The following PEX11G variants were observed in gnomAD, a reference collection of about 807,000 sequenced individuals.
The protein encoded by PEX11G is peroxisomal membrane protein 11C.
Under a neutral mutation model 22.5 loss-of-function variants are expected in PEX11G, and 20 were observed. The observed-to-expected ratio is 0.89, with a 90% CI of 0.62 to 1.29. PEX11G has a LOEUF of 1.29. Ranked by LOEUF, PEX11G falls within the 50% of genes most tolerant of loss-of-function variation. The pLI, the probability that PEX11G is intolerant of heterozygous loss-of-function variation, is 0.00. For missense variants in PEX11G, 347 were observed against 331.3 expected (o/e 1.05, Z -0.37); for synonymous variants, 141 against 154.5 (o/e 0.91, Z 0.65).
intron 3 of PEX11G, among the ~76,000 whole-genome samples, chr19:7,478,650 T>C (rs1375401756): frequency 6.6e-6 from 1 of 152,128 alleles, no homozygotes; most frequent in African/African-American, 2.4e-5. Context: ...CACTGGCAAG[T>C]GCTCAAAGGA....
rs998069660 is a variant in PEX11G, at chr19:7,481,319, G to A, written c.428+714C>T. ...AAATTCAAGCAATCCTCCTGCCTCAGCCTCCCAAGTAGCTGGGATTACAAG... is the reference window on the plus strand; with the variant it reads ...AAATTCAAGCAATCCTCCTGCCTCAACCTCCCAAGTAGCTGGGATTACAAG... On this transcript the variant is annotated intron_variant, in intron 3 of 4. Coordinates refer to ENST00000221480, the MANE Select transcript of PEX11G (RefSeq NM_080662.4). Among the ~76,000 whole-genome samples the A allele has an allele frequency of 6.6e-4, 101 of 152,200 alleles. 1 individual carries two copies. The highest frequency in any genetic ancestry group is 1.3e-3 in the Non-Finnish European group (91 of 68,014).
At chr19:7,486,221 T>C (rs780652856) in intron 1 of PEX11G, among the ~76,000 whole-genome samples, 195 bp from the exon 2 acceptor site, 3 of 151,894 alleles carry the variant, frequency 2.0e-5, no homozygotes, top group African/African-American at 4.8e-5. Context: ...CCATCTCCCA[T>C]GTTCAAGCAA....
intron 3 of PEX11G, 52 bp from the exon 4 acceptor site, chr19:7,478,428 A>G: frequency 6.4e-7 from 1 of 1,559,304 alleles, no homozygotes; most frequent in Non-Finnish European, 8.7e-7. Flanking sequence ...CAGGAGGGTT[A>G]GCTCCACAAC....
chr19:7,486,618 G>T (rs77742235), intron 1 of PEX11G, among the ~76,000 whole-genome samples: 1 of 148,730 alleles, frequency 6.7e-6, no homozygotes, highest in African/African-American at 2.5e-5. Flanking sequence ...TTTTTTTTTT[G>T]AGACGGAGTC....
intron 2 of PEX11G, among the ~76,000 whole-genome samples, chr19:7,485,425 G>A (rs1244043371): frequency 1.1e-4 from 17 of 151,902 alleles, no homozygotes; most frequent in East Asian, 3.9e-4. Flanking sequence ...GCGCGATCTC[G>A]GCTCACTGCA....
chr19:7,486,110 G>T (rs751091580), intron 1 of PEX11G, 84 bp from the exon 2 acceptor site: 2 of 1,205,250 alleles, frequency 1.7e-6, no homozygotes, highest in South Asian at 3.2e-5. Context: ...CCCGGGCCCC[G>T]CTGGATTGAG....
intron 1 of PEX11G, among the ~76,000 whole-genome samples, chr19:7,486,587 C>A (rs560216388): frequency 8.5e-5 from 13 of 152,158 alleles, no homozygotes; most frequent in African/African-American, 2.9e-4. Flanking sequence ...CATAGCAAGA[C>A]CCTGTGTCTA....
intron 2 of PEX11G, among the ~76,000 whole-genome samples, chr19:7,484,961 T>C (rs2021569078): frequency 6.6e-6 from 1 of 152,138 alleles, no homozygotes. Flanking sequence ...GTGAAATTTT[T>C]AAAAGTAATA....
chr19:7,478,508 C>A, intron 3 of PEX11G, 132 bp from the exon 4 acceptor site: 1 of 883,100 alleles, frequency 1.1e-6, no homozygotes, highest in Non-Finnish European at 1.8e-6. Context: ...CTCCCTGCCC[C>A]CACAGTCCCA....
rs771374502 is a variant in PEX11G, at chr19:7,486,022, C to T, written c.65G>A (p.Arg22Gln). ...ESYRGRDRLI[R>Q]VLGYCCQLVG... ...CAGCTGGCAGCAGTACCCCAGCACT[C>T]GGATCTGTGGGAAACCAGAAGCAGT... The change falls in exon 2 of 5, where the codon CGA (arginine) becomes CAA (glutamine). Residue 22 changes from arginine (R) to glutamine (Q), a missense_variant. By Grantham distance (43) the Arg-to-Gln change is conservative. Transcript: ENST00000221480. 14 of 1,586,842 alleles carry T rather than the reference C, an allele frequency of 8.8e-6. No individual in the cohort carries two copies. The highest frequency in any genetic ancestry group is 5.4e-5 in the African/African-American group (4 of 74,530).
At chr19:7,485,801 C>T (rs74741225) in intron 2 of PEX11G, 37 bp downstream of exon 2, 46,177 of 1,545,054 alleles carry the variant, frequency 0.03, 1,042 homozygotes, top group South Asian at 0.085. Flanking sequence ...CACTCAGGTC[C>T]GCACCCTACT....
At chr19:7,484,114 G>A (rs1977636502) in intron 2 of PEX11G, among the ~76,000 whole-genome samples, 1 of 152,208 alleles carries the variant, frequency 6.6e-6, no homozygotes, top group Non-Finnish European at 1.5e-5. Flanking sequence ...CTAGCACTTT[G>A]GGAGGCGGGG....
upstream of PEX11G, among the ~76,000 whole-genome samples, chr19:7,491,760 C>G (rs1399892477): frequency 6.6e-6 from 1 of 152,168 alleles, no homozygotes; most frequent in African/African-American, 2.4e-5. Context: ...CTGAGAGATC[C>G]TCCTGCCTCA....
In PEX11G at chr19:7,487,877, A is replaced by G. The variant is rs770901207; in HGVS notation, c.60+1074T>C. Among the ~76,000 whole-genome samples the G allele has an allele frequency of 1.8e-4, 28 of 152,150 alleles. 1 individual carries two copies. Among genetic ancestry groups the G allele is most frequent in the Admixed American group, 1.8e-3 (27 of 15,272 alleles). ...GGAGATTTGTTAACCCACCCCCCCA[A>G]TCATAAGATATTTGAATGGAATCTA... On this transcript the variant is annotated intron_variant, in intron 1 of 4. Transcript: ENST00000221480.
upstream of PEX11G, among the ~76,000 whole-genome samples, chr19:7,490,741 G>A (rs935766997): frequency 6.9e-6 from 1 of 145,268 alleles, no homozygotes. Context: ...TGCTCTCTGG[G>A]CCTGAGGACC....
chr19:7,488,566 G>A (rs1204190435), intron 1 of PEX11G, among the ~76,000 whole-genome samples: 1 of 152,192 alleles, frequency 6.6e-6, no homozygotes, highest in Non-Finnish European at 1.5e-5. Context: ...TTGGGAGGCC[G>A]AGGCAGGTGG....
At position 7,477,367 on chromosome 19, in the gene PEX11G, G is replaced by A; in HGVS notation, c.561C>T (p.Ser187=). 6.4e-7 allele frequency: 1 copy of A among 1,559,684 alleles called. No individual in the cohort carries two copies. Among genetic ancestry groups the A allele is most frequent in the Non-Finnish European group, 8.7e-7 (1 of 1,154,628 alleles). Residue 187 remains serine (S), a synonymous_variant, in exon 5 of 5, where the codon AGC becomes AGT. Transcript: ENST00000221480. ...QMQSEALSLL[S]NLADLANAVH... ...CGGCGTTGGCCAGGTCGGCCAGGTT[G>A]CTGAGAAGTGACAGCGCCTCCGACT...
At chr19:7,489,331 C>T (rs1488304982), upstream of PEX11G, 2 of 1,135,482 alleles carry the variant, frequency 1.8e-6, no homozygotes, top group Non-Finnish European at 2.2e-6. Context: ...AAAAATATTC[C>T]AAGCAAAACC....
At chr19:7,494,962 T>C (rs945426702) in intron 1 of PEX11G, among the ~76,000 whole-genome samples, 12 of 151,580 alleles carry the variant, frequency 7.9e-5, no homozygotes, top group Admixed American at 7.2e-4. Context: ...TCTTCTGACT[T>C]CTTTCTTTCT....
Sources: gnomAD v4.1 joint callset for allele counts (sites outside exome capture counted in the v4.1 genomes callset) on GRCh38, gnomAD v4.1.1 for gene constraint, MANE v1.5 for transcripts, NCBI Gene and HGNC (gene_info 2026-07-23, HGNC 2026-07-21) for gene names.